Variants in RIOK1 observed in about 807,000 individuals in gnomAD.
The protein encoded by RIOK1 is RIO kinase 1.
A neutral mutation model predicts 73.5 loss-of-function variants in RIOK1; 66 were observed. The observed-to-expected ratio is 0.90, with a 90% CI of 0.74 to 1.10. RIOK1 has a LOEUF of 1.10. Ranked by LOEUF, RIOK1 falls within the 50% of genes least tolerant of loss-of-function variation. The probability of loss-of-function intolerance (pLI) is 0.00; values close to 1 mark genes in which losing one functional copy is unlikely to be tolerated. For missense variants in RIOK1, 658 were observed against 699.8 expected (o/e 0.94, Z 0.67); for synonymous variants, 224 against 226.8 (o/e 0.99, Z 0.11).
intron 4 of RIOK1, among the ~76,000 whole-genome samples, chr6:7,398,359 T>A (rs772768350): frequency 4.6e-5 from 7 of 152,130 alleles, no homozygotes; most frequent in Non-Finnish European, 8.8e-5. Flanking sequence ...AACAGAATCA[T>A]TAAAGATGTG....
chr6:7,390,052 A>C lies in RIOK1; in HGVS notation c.50A>C (p.Asp17Ala), dbSNP rs1201524340. 6.4e-7 allele frequency: 1 copy of C among 1,559,940 alleles called. No individual in the cohort carries two copies. The highest frequency in any genetic ancestry group is 8.7e-7 in the Non-Finnish European group (1 of 1,151,958). ...LMSRVVPGQF[D>A]DADSSDSENR... ...AGCCGGGTGGTCCCCGGGCAATTCGACGACGCGGACTCCTCTGACAGGTAG... is the reference window on the plus strand; with the variant it reads ...AGCCGGGTGGTCCCCGGGCAATTCGCCGACGCGGACTCCTCTGACAGGTAG... Residue 17 changes from aspartate (D) to alanine (A), a missense_variant, in exon 1 of 17, where the codon GAC (aspartate) becomes GCC (alanine). Asp to Ala is a moderately radical substitution (Grantham distance 126, BLOSUM62 -2). Coordinates refer to ENST00000379834, the MANE Select transcript of RIOK1 (RefSeq NM_031480.3).
intron 4 of RIOK1, among the ~76,000 whole-genome samples, chr6:7,397,771 G>A (rs1761508593): frequency 6.6e-6 from 1 of 152,252 alleles, no homozygotes; most frequent in African/African-American, 2.4e-5. Context: ...TTAGGTTAGT[G>A]TGCTAGGTGG....
chr6:7,394,471 C>T (rs1311639554), intron 2 of RIOK1, among the ~76,000 whole-genome samples: 3 of 152,154 alleles, frequency 2.0e-5, no homozygotes, highest in African/African-American at 7.2e-5. Context: ...TATCATGGAC[C>T]AGAATGTGTG....
In RIOK1 at chr6:7,406,317, A is replaced by G. The variant is rs189597074; in HGVS notation, c.1203+962A>G. 3.4e-3 allele frequency among the ~76,000 whole-genome samples: 518 copies of G among 152,272 alleles called. 2 individuals carry two copies. The highest frequency in any genetic ancestry group is 0.012 in the African/African-American group (485 of 41,558). On this transcript the variant is annotated intron_variant, in intron 12 of 16. Coordinates refer to ENST00000379834, the MANE Select transcript of RIOK1 (RefSeq NM_031480.3). ...CGGCCTCAGAGGCCTTTCTGAATATAGAATTTTTTAGAATTCTGGTAAAAG... is the reference window on the plus strand; with the variant it reads ...CGGCCTCAGAGGCCTTTCTGAATATGGAATTTTTTAGAATTCTGGTAAAAG...
intron 4 of RIOK1, among the ~76,000 whole-genome samples, chr6:7,397,136 C>T (rs927737244): frequency 6.6e-6 from 1 of 152,048 alleles, no homozygotes; most frequent in Non-Finnish European, 1.5e-5. Flanking sequence ...TGGTGGTGCA[C>T]GCCTGTAATC....
At position 7,395,071 on chromosome 6, in the gene RIOK1, G is replaced by A. The variant is rs769061872; in HGVS notation, c.295G>A (p.Asp99Asn). The change falls in exon 3 of 17, where the codon GAC becomes AAC. Residue 99 changes from aspartate (D) to asparagine (N), a missense_variant. By Grantham distance (23) the Asp-to-Asn change is conservative (BLOSUM62 1). Coordinates refer to ENST00000379834, the MANE Select transcript of RIOK1 (RefSeq NM_031480.3). ...SNPQANRQTS[D>N]SSSAKMSTPA... ...CTTCTAGGCAAATCGACAGACCTCC[G>A]ACAGCAGTTCAGCCAAAATGTCTAC... 21 of 1,613,734 alleles carry A rather than the reference G, an allele frequency of 1.3e-5. No individual in the cohort carries two copies. In the Admixed American group the frequency reaches 1.7e-4, roughly 13 times the overall value.
At chr6:7,395,238 C>G in intron 3 of RIOK1, 95 bp downstream of exon 3, 3 of 1,394,770 alleles carry the variant, frequency 2.2e-6, no homozygotes, top group East Asian at 5.1e-5. Context: ...TGAAGGCTGG[C>G]CGTGGTGGCT....
chr6:7,410,598 A>G, intron 13 of RIOK1, 147 bp downstream of exon 13: 1 of 605,308 alleles, frequency 1.7e-6, no homozygotes, highest in Non-Finnish European at 2.9e-6. Flanking sequence ...TATTATAGTA[A>G]ATGATTTAAG....
At chr6:7,404,298 G>T in intron 9 of RIOK1, 120 bp from the exon 10 acceptor site, 1 of 1,200,964 alleles carries the variant, frequency 8.3e-7, no homozygotes. Context: ...TGTGCATTGA[G>T]ACAGATTGTC....
At chr6:7,390,554 G>C (rs915130427) in intron 1 of RIOK1, among the ~76,000 whole-genome samples, 1 of 152,176 alleles carries the variant, frequency 6.6e-6, no homozygotes, top group Non-Finnish European at 1.5e-5. Flanking sequence ...GATATACCAA[G>C]TGGTGACTGA....
rs532500642 is a variant in RIOK1 at position 7,393,539 on chromosome 6, G to A, written c.276+236G>A. On this transcript the variant is annotated intron_variant, in intron 2 of 16. Coordinates refer to ENST00000379834, the MANE Select transcript of RIOK1 (RefSeq NM_031480.3). ...TTAAAAAGAGTTATAAAGATTGTGA[G>A]CTTAAAATCTTCATGGGAAAGGGCA... is the stretch of plus-strand genomic sequence containing the variant. Among the ~76,000 whole-genome samples, 193 of 152,278 alleles carry A rather than the reference G, an allele frequency of 1.3e-3. 1 individual carries two copies. The highest frequency in any genetic ancestry group is 4.0e-3 in the African/African-American group (166 of 41,560).
chr6:7,396,920 T>TGTGTGTGTGTGTGTGTGTGTGTG, intron 4 of RIOK1, 148 bp downstream of exon 4: 2 of 525,176 alleles, frequency 3.8e-6, no homozygotes, highest in African/African-American at 2.0e-5. Flanking sequence ...TGTGTGTGTG[T>TGTGTGTGTGTGTGTGTGTGTGTG]TTTCCTTAGC....
intron 16 of RIOK1, among the ~76,000 whole-genome samples, chr6:7,415,006 C>G (rs1304995374): frequency 6.6e-6 from 1 of 152,180 alleles, no homozygotes; most frequent in Non-Finnish European, 1.5e-5. Context: ...ATCAGTTCAG[C>G]TGCTGTGATG....
At chr6:7,413,942 A>G (rs1761942208) in intron 15 of RIOK1, among the ~76,000 whole-genome samples, 1 of 152,108 alleles carries the variant, frequency 6.6e-6, no homozygotes, top group Non-Finnish European at 1.5e-5. Flanking sequence ...CCCAATCCCA[A>G]CTAAATGCTC....
At chr6:7,404,080 T>A in intron 9 of RIOK1, 53 bp downstream of exon 9, 2 of 1,221,180 alleles carry the variant, frequency 1.6e-6, no homozygotes, top group Non-Finnish European at 2.4e-6. Flanking sequence ...ATTTTTAAGT[T>A]CTTTGAGTTT....
chr6:7,395,835 A>G (rs745512422), intron 3 of RIOK1, among the ~76,000 whole-genome samples: 26 of 151,610 alleles, frequency 1.7e-4, no homozygotes, highest in Non-Finnish European at 3.1e-4. Flanking sequence ...TTAGCCTCCC[A>G]AGTAGCTAGG....
chr6:7,399,826 T>A (rs1242999882), intron 5 of RIOK1, among the ~76,000 whole-genome samples: 1 of 152,226 alleles, frequency 6.6e-6, no homozygotes, highest in Non-Finnish European at 1.5e-5. Context: ...CTAGTTGCAA[T>A]GGTCGTGATT....
intron 1 of RIOK1, among the ~76,000 whole-genome samples, chr6:7,390,978 A>T (rs1022635118): frequency 7.9e-5 from 12 of 152,222 alleles, no homozygotes; most frequent in African/African-American, 2.9e-4. Context: ...TAGAGCCCAG[A>T]TCCTAAAGAT....
Position 7,395,114 on chromosome 6 carries a change from T to TA in RIOK1, c.339dup (p.Arg114ThrfsTer4), listed in dbSNP as rs2113500317. On this transcript the variant is annotated frameshift_variant, in exon 3 of 17. Transcript: ENST00000379834. LOFTEE classifies it high-confidence loss of function. ...ATGTCTACTCCAGCAGACAAGGTCTTACGGAAATTTGAGAATAAAATTAAT... is the reference window on the plus strand; with the variant it reads ...ATGTCTACTCCAGCAGACAAGGTCTTAACGGAAATTTGAGAATAAAATTAAT... 6.2e-7 allele frequency: 1 copy of TA among 1,613,584 alleles called. No individual in the cohort carries two copies. Among genetic ancestry groups the TA allele is most frequent in the South Asian group, 1.1e-5 (1 of 90,982 alleles).
Sources: gnomAD v4.1 joint callset for allele counts (sites outside exome capture counted in the v4.1 genomes callset) on GRCh38, gnomAD v4.1.1 for gene constraint, MANE v1.5 for transcripts, NCBI Gene and HGNC (gene_info 2026-07-23, HGNC 2026-07-21) for gene names.